The following RAD54B variants were observed in gnomAD, a reference collection of about 807,000 sequenced individuals.
RAD54B encodes RAD54 homolog B, also known as DNA repair and recombination protein RAD54B.
A neutral mutation model predicts 95.8 loss-of-function variants in RAD54B; 78 were observed. The ratio of observed to expected loss-of-function variants is 0.81; its 90% CI spans 0.68 to 0.98. The LOEUF is 0.98. RAD54B is among the 50% of genes least tolerant of loss of function. RAD54B has a pLI of 0.00. For synonymous variants in RAD54B, 328 were observed against 354.9 expected (o/e 0.92, Z 0.85); for missense variants, 957 against 1,056.6 (o/e 0.91, Z 1.31).
At chr8:94,420,480 G>C (rs1037392784) in intron 3 of RAD54B, among the ~76,000 whole-genome samples, 2 of 151,332 alleles carry the variant, frequency 1.3e-5, no homozygotes, top group Non-Finnish European at 2.9e-5. Flanking sequence ...GGCTGGTGTC[G>C]AACTCATGAG....
At chr8:94,432,628 CA>C in intron 3 of RAD54B, 1 of 1,541,446 alleles carries the variant, frequency 6.5e-7, no homozygotes, top group African/African-American at 1.4e-5. Context: ...GAACTGGTAC[CA>C]GCCTGTGCCT....
At chr8:94,414,761 T>G (rs1811616401) in intron 3 of RAD54B, among the ~76,000 whole-genome samples, 1 of 152,108 alleles carries the variant, frequency 6.6e-6, no homozygotes, top group South Asian at 2.1e-4. Context: ...GAACTCCCAT[T>G]CACAATTGCT....
At chr8:94,448,786 G>A (rs1470493693) in intron 3 of RAD54B, among the ~76,000 whole-genome samples, 1 of 151,922 alleles carries the variant, frequency 6.6e-6, no homozygotes, top group African/African-American at 2.4e-5. Context: ...GGAGGGAGAG[G>A]AAATCGGGAG....
chr8:94,446,548 C>T (rs1243172376), intron 3 of RAD54B, among the ~76,000 whole-genome samples: 1 of 152,184 alleles, frequency 6.6e-6, no homozygotes, highest in East Asian at 1.9e-4. Context: ...TGTGGAATGT[C>T]TCCTGATAGA....
Position 94,406,003 on chromosome 8 carries a change from TAC to T in RAD54B, c.781+1434_781+1435del, listed in dbSNP as rs10640285. On this transcript the variant is annotated intron_variant, in intron 5 of 14. Coordinates refer to ENST00000336148, the MANE Select transcript of RAD54B (RefSeq NM_012415.3). ...ATTTACTATTTACCTGAAGTGCTTT[TAC>T]ACACACACACACACACACACACATA... is the stretch of plus-strand genomic sequence containing the variant. Among the ~76,000 whole-genome samples the T allele has an allele frequency of 3.0e-4, 45 of 148,060 alleles. 1 individual carries two copies. The highest frequency in any genetic ancestry group is 1.2e-3 in the East Asian group (6 of 5,068).
chr8:94,396,093 A>C (rs900890651), intron 8 of RAD54B, among the ~76,000 whole-genome samples: 3 of 152,086 alleles, frequency 2.0e-5, no homozygotes, highest in African/African-American at 4.8e-5. Context: ...AAAAAGAGTA[A>C]GGAAGGGGGG....
intron 2 of RAD54B, among the ~76,000 whole-genome samples, chr8:94,466,780 C>A (rs1813035111): frequency 1.3e-5 from 2 of 152,048 alleles, no homozygotes; most frequent in Non-Finnish European, 2.9e-5. Flanking sequence ...GTATTTTTTC[C>A]TCTTTAAATG....
intron 3 of RAD54B, among the ~76,000 whole-genome samples, chr8:94,454,933 G>A (rs528190518): frequency 2.4e-4 from 36 of 152,230 alleles, no homozygotes; most frequent in African/African-American, 6.5e-4. Flanking sequence ...AATGGGGAAA[G>A]ATTTTTATCA....
intron 3 of RAD54B, chr8:94,432,090 C>T (rs1429096094): frequency 1.3e-6 from 2 of 1,495,704 alleles, no homozygotes; most frequent in Non-Finnish European, 1.8e-6. Flanking sequence ...AGTAATTTGG[C>T]CAAAATCAAA....
intron 5 of RAD54B, among the ~76,000 whole-genome samples, chr8:94,407,017 C>G (rs1811405636): frequency 6.6e-6 from 1 of 151,986 alleles, no homozygotes; most frequent in East Asian, 1.9e-4. Context: ...TGAAATCTTA[C>G]CATTCAATAT....
intron 3 of RAD54B, among the ~76,000 whole-genome samples, chr8:94,426,604 A>G (rs1811947273): frequency 6.6e-6 from 1 of 152,256 alleles, no homozygotes; most frequent in Non-Finnish European, 1.5e-5. Flanking sequence ...GAAACAAAGT[A>G]TGCATATTGT....
At chr8:94,425,432 T>C (rs1811919856) in intron 3 of RAD54B, among the ~76,000 whole-genome samples, 1 of 152,110 alleles carries the variant, frequency 6.6e-6, no homozygotes, top group Admixed American at 6.6e-5. Flanking sequence ...ATGTCTCATA[T>C]AATCAAATTC....
intron 14 of RAD54B, among the ~76,000 whole-genome samples, chr8:94,377,793 G>A (rs1810627543): frequency 6.8e-6 from 1 of 147,670 alleles, no homozygotes; most frequent in African/African-American, 2.5e-5. Flanking sequence ...TGGCTAACAC[G>A]GTGAAACCCC....
chr8:94,409,226 T>A (rs1811468744), intron 4 of RAD54B, among the ~76,000 whole-genome samples: 1 of 152,128 alleles, frequency 6.6e-6, no homozygotes, highest in Non-Finnish European at 1.5e-5. Flanking sequence ...ATGTTATAAT[T>A]AAGCAACCAA....
intron 12 of RAD54B, among the ~76,000 whole-genome samples, chr8:94,379,222 T>C (rs1810674029): frequency 6.6e-6 from 1 of 152,220 alleles, no homozygotes; most frequent in South Asian, 2.1e-4. Flanking sequence ...AGATAGTTTA[T>C]GCTAACAATG....
At chr8:94,377,565 A>C (rs113556928) in intron 14 of RAD54B, among the ~76,000 whole-genome samples, 4,260 of 87,340 alleles carry the variant, frequency 0.049, 217 homozygotes, top group Non-Finnish European at 0.084. Context: ...AAAAAAAAAA[A>C]AAAAAAAAAA....
Position 94,407,495 on chromosome 8 carries a change from T to A in RAD54B, c.725A>T (p.Glu242Val). ...FKSVCKPSSK[E>V]NRQNDFQNCK... Reference sequence around the variant, plus strand: ...ATTTTGGAAATCATTCTGTCTATTTTCCTTTGAACTTGGTTTACAAACACT... The same window carrying A: ...ATTTTGGAAATCATTCTGTCTATTTACCTTTGAACTTGGTTTACAAACACT... Residue 242 changes from glutamate (E) to valine (V), a missense_variant, in exon 5 of 15, where the codon GAA becomes GTA. Physicochemically the swap from Glu to Val is moderately radical, Grantham distance 121 (BLOSUM62 -2). Coordinates refer to ENST00000336148, the MANE Select transcript of RAD54B (RefSeq NM_012415.3). 1 of 1,613,976 alleles carries A rather than the reference T, an allele frequency of 6.2e-7. No homozygotes were observed. Among genetic ancestry groups the A allele is most frequent in the Non-Finnish European group, 8.5e-7 (1 of 1,179,866 alleles).
At chr8:94,390,278 T>C (rs1192112628) in intron 10 of RAD54B, among the ~76,000 whole-genome samples, 1 of 151,812 alleles carries the variant, frequency 6.6e-6, no homozygotes, top group Non-Finnish European at 1.5e-5. Context: ...GGCAGGCAGA[T>C]CACCTGAGGT....
At chr8:94,379,599 C>A (rs370823539) in intron 12 of RAD54B, among the ~76,000 whole-genome samples, 1 of 152,172 alleles carries the variant, frequency 6.6e-6, no homozygotes, top group East Asian at 1.9e-4. Context: ...TCTAGTGAAT[C>A]ATTAAACCTG....
Sources: allele counts gnomAD v4.1 joint callset (sites outside exome capture counted in the v4.1 genomes callset), GRCh38; gene constraint gnomAD v4.1.1; transcripts MANE v1.5; gene names NCBI Gene and HGNC (gene_info 2026-07-23, HGNC 2026-07-21).